Variants in RASGRF1 observed in about 807,000 individuals in gnomAD.
RASGRF1 encodes ras-specific guanine nucleotide-releasing factor 1.
In RASGRF1, 40 loss-of-function variants were observed where a neutral mutation model predicts 138.7. That is an observed-to-expected ratio of 0.29 (90% CI 0.22 to 0.38). The LOEUF is 0.38. RASGRF1 is among the 10% of genes least tolerant of loss of function. RASGRF1 has a pLI of 1.00. For missense variants in RASGRF1, 1,108 were observed against 1,650.4 expected (o/e 0.67, Z 5.69); for synonymous variants, 614 against 663.2 (o/e 0.93, Z 1.14).
At position 79,035,209 on chromosome 15, in the gene RASGRF1, C is replaced by T. The variant is rs373497027; in HGVS notation, c.880G>A (p.Glu294Lys). ...ATCTGATGTAAAAACATGATGGTTT[C>T]GCTGAAAGAGAAAGCACAGGGTCAG... is the stretch of plus-strand genomic sequence containing the variant. ...DDVSSIFLNSETIMFLHQIFY... is the reference protein window; with the variant it reads ...DDVSSIFLNSKTIMFLHQIFY... Residue 294 changes from glutamate (E) to lysine (K), a missense_variant and splice_region_variant, in exon 6 of 27, where the codon GAA (glutamate) becomes AAA (lysine). By Grantham distance (56) the Glu-to-Lys change is moderately conservative. Around this residue, in one of 3 missense-constraint regions of RASGRF1, gnomAD observed 169 missense variants for 344.2 expected, o/e 0.49. Coordinates refer to ENST00000558480, the MANE Select transcript of RASGRF1 (RefSeq NM_001145648.3). 1 of 1,612,296 alleles carries T rather than the reference C, an allele frequency of 6.2e-7. No homozygotes were observed. Among genetic ancestry groups the T allele is most frequent in the Non-Finnish European group, 8.5e-7 (1 of 1,179,012 alleles).
chr15:78,989,558 T>C lies in RASGRF1; in HGVS notation c.3216+631A>G, dbSNP rs773734375. ...GCTCAGCACTGTGGCCTCCTAACAT[T>C]AAAGAGAATTAAACATTCTCTTTAG... On this transcript the variant is annotated intron_variant, in intron 22 of 26. Coordinates refer to ENST00000558480, the MANE Select transcript of RASGRF1 (RefSeq NM_001145648.3). Among the ~76,000 whole-genome samples the C allele has an allele frequency of 1.2e-4, 18 of 152,236 alleles. 1 individual carries two copies. In the South Asian group the frequency reaches 2.1e-3, roughly 18 times the overall value.
chr15:79,084,561 T>A (rs1378151628), intron 1 of RASGRF1, among the ~76,000 whole-genome samples: 1 of 152,236 alleles, frequency 6.6e-6, no homozygotes, highest in East Asian at 1.9e-4. Flanking sequence ...GCTGAGCTTC[T>A]GCACATGCCG....
intron 2 of RASGRF1, among the ~76,000 whole-genome samples, chr15:79,058,842 T>C (rs1011524152): frequency 1.3e-5 from 2 of 152,242 alleles, no homozygotes; most frequent in African/African-American, 4.8e-5. Flanking sequence ...GTGATGAAAA[T>C]GAATATCAGG....
At chr15:79,061,431 T>TATATATATATATATAA (rs1555461889) in intron 2 of RASGRF1, among the ~76,000 whole-genome samples, 3 of 144,600 alleles carry the variant, frequency 2.1e-5, no homozygotes, top group Admixed American at 7.0e-5. Context: ...TATATATATA[T>TATATATATATATATAA]CATTCATTTT....
At chr15:79,020,758 A>T (rs1027563909) in intron 10 of RASGRF1, among the ~76,000 whole-genome samples, 3 of 152,240 alleles carry the variant, frequency 2.0e-5, no homozygotes, top group Admixed American at 2.0e-4. Flanking sequence ...AGTGAGAAAT[A>T]AGAGTGGCCA....
chr15:79,006,534 C>T lies in RASGRF1; in HGVS notation c.1827-100G>A, dbSNP rs2056678321. The T allele has an allele frequency of 7.2e-7, 1 of 1,397,752 alleles. No homozygotes were observed. Among genetic ancestry groups the T allele is most frequent in the African/African-American group, 1.4e-5 (1 of 70,512 alleles). The allele number at this position is 1,397,752 out of a possible 1,614,324, so 86.6% of individuals were successfully genotyped here. On this transcript the variant is annotated intron_variant, in intron 13 of 26. Coordinates refer to ENST00000558480, the MANE Select transcript of RASGRF1 (RefSeq NM_001145648.3). This position sits in a 1 kb window ranked among gnomAD's most constrained non-coding sequence, Gnocchi z 4.0. ...CACTGCTTCCCCCACACACTGACAACACAGGATGGTCTTATTAAGAGAACA... is the reference window on the plus strand; with the variant it reads ...CACTGCTTCCCCCACACACTGACAATACAGGATGGTCTTATTAAGAGAACA...
At chr15:78,990,076 G>A in intron 22 of RASGRF1, 113 bp downstream of exon 22, 1 of 886,378 alleles carries the variant, frequency 1.1e-6, no homozygotes, top group Non-Finnish European at 1.9e-6. Context: ...CAGGGCTGGA[G>A]AGGACCCAGG....
At chr15:78,974,667 T>C (rs2055838797) in intron 24 of RASGRF1, among the ~76,000 whole-genome samples, 1 of 152,268 alleles carries the variant, frequency 6.6e-6, no homozygotes, top group Admixed American at 6.5e-5. Context: ...CATTTGGTGA[T>C]AGTGTGACTT....
chr15:78,981,893 C>T (rs910157421), intron 23 of RASGRF1, among the ~76,000 whole-genome samples: 6 of 152,212 alleles, frequency 3.9e-5, no homozygotes, highest in Non-Finnish European at 8.8e-5. Context: ...GATGCCCTGG[C>T]CCACCTCCGT....
rs140393168 is a variant in RASGRF1 at position 79,032,069 on chromosome 15, T to C, written c.1152+54A>G. The C allele has an allele frequency of 2.8e-3, 4,324 of 1,563,532 alleles. 103 individuals are homozygous for C. The African/African-American group carries it at 0.053, about 19-fold the overall frequency. ...ACTGTGCCCCCACCGCCATGGTCCA[T>C]CCCCCACACCTGCCTCCCTGACTCT... On this transcript the variant is annotated intron_variant, in intron 7 of 26. Transcript: ENST00000558480. The surrounding 1 kb of genome is among the most constrained non-coding windows in gnomAD (Gnocchi z 4.5).
In RASGRF1 at chr15:79,032,911, G is replaced by A. The variant is rs541412491; in HGVS notation, c.959-595C>T. Among the ~76,000 whole-genome samples, 5 of 152,284 alleles carry A rather than the reference G, an allele frequency of 3.3e-5. No homozygotes were observed. Among genetic ancestry groups the A allele is most frequent in the African/African-American group, 1.2e-4 (5 of 41,564 alleles). On this transcript the variant is annotated intron_variant, in intron 6 of 26. Transcript: ENST00000558480. The surrounding 1 kb of genome is among the most constrained non-coding windows in gnomAD (Gnocchi z 4.5). ...GGCCACCCTCCCTCCTGCAGTCTCCGTCCTGAGACAGAAGTGGCCTATCTG... is the reference window on the plus strand; with the variant it reads ...GGCCACCCTCCCTCCTGCAGTCTCCATCCTGAGACAGAAGTGGCCTATCTG...
At chr15:79,014,456 G>A (rs74668331) in intron 13 of RASGRF1, among the ~76,000 whole-genome samples, 3,373 of 152,286 alleles carry the variant, frequency 0.022, 58 homozygotes, top group Non-Finnish European at 0.034. Flanking sequence ...GGATAGGACC[G>A]GAGACTATTA....
At chr15:79,024,108 G>A (rs1297870584) in intron 10 of RASGRF1, among the ~76,000 whole-genome samples, 1 of 147,494 alleles carries the variant, frequency 6.8e-6, no homozygotes, top group Non-Finnish European at 1.5e-5. Flanking sequence ...TACATACACA[G>A]AGACACATGT....
chr15:79,050,242 C>CT lies in RASGRF1; in HGVS notation c.532-655_532-654insA, dbSNP rs781207311. The stretch of plus-strand genomic sequence containing the variant: ...TCTAGGTACCTCATCTAAGCGGAAT[C>CT]ATGCACTATTTGTCTTTCTGTGACC... On this transcript the variant is annotated intron_variant, in intron 3 of 26. Coordinates refer to ENST00000558480, the MANE Select transcript of RASGRF1 (RefSeq NM_001145648.3). This position sits in a 1 kb window ranked among gnomAD's most constrained non-coding sequence, Gnocchi z 4.1. Among the ~76,000 whole-genome samples, 189 of 152,338 alleles carry CT rather than the reference C, an allele frequency of 1.2e-3. No individual in the cohort carries two copies. Among genetic ancestry groups the CT allele is most frequent in the Non-Finnish European group, 2.5e-3 (167 of 68,026 alleles).
intron 13 of RASGRF1, among the ~76,000 whole-genome samples, chr15:79,007,895 A>T (rs1424985303): frequency 1.2e-4 from 18 of 145,802 alleles, no homozygotes; most frequent in African/African-American, 3.8e-4. Flanking sequence ...TTTGAGATGG[A>T]GTCTTGCTCT....
intron 20 of RASGRF1, among the ~76,000 whole-genome samples, chr15:78,994,761 G>A (rs982420869): frequency 2.0e-5 from 3 of 152,128 alleles, no homozygotes; most frequent in Non-Finnish European, 4.4e-5. Context: ...TTTCTGGGCA[G>A]GTGGTGAGCT....
Position 79,090,561 on chromosome 15 carries a change from C to A in RASGRF1, c.-63G>T, listed in dbSNP as rs904651982. On this transcript the variant is annotated 5_prime_UTR_variant, in exon 1 of 27. Coordinates refer to ENST00000558480, the MANE Select transcript of RASGRF1 (RefSeq NM_001145648.3). ...CTTCTCCGCGCAGCAGCCCCCCGTC[C>A]GTGCGCGCTGCGCGCTGCCTCTCTC... 1.3e-6 allele frequency: 2 copies of A among 1,572,780 alleles called. No homozygotes were observed. Among genetic ancestry groups the A allele is most frequent in the Admixed American group, 1.7e-5 (1 of 58,578 alleles).
intron 3 of RASGRF1, among the ~76,000 whole-genome samples, chr15:79,054,173 G>C (rs2057476420): frequency 1.3e-5 from 2 of 152,228 alleles, no homozygotes; most frequent in South Asian, 4.1e-4. Flanking sequence ...CACATCACTG[G>C]ATGCAGGGGG....
chr15:79,076,793 G>T (rs1229014708), intron 1 of RASGRF1, among the ~76,000 whole-genome samples: 1 of 152,172 alleles, frequency 6.6e-6, no homozygotes, highest in Non-Finnish European at 1.5e-5. Context: ...TGAGCAAAAG[G>T]CTCCTGCTCC....
Sources: gnomAD v4.1 joint callset for allele counts (sites outside exome capture counted in the v4.1 genomes callset) on GRCh38, gnomAD v4.1.1 for gene constraint, gnomAD v4.1.1 regional missense constraint, Gnocchi (gnomAD v3.1) non-coding constraint, MANE v1.5 for transcripts, NCBI Gene and HGNC (gene_info 2026-07-23, HGNC 2026-07-21) for gene names.